The following TMPRSS15 variants were observed in gnomAD, a reference collection of about 807,000 sequenced individuals.
TMPRSS15 encodes transmembrane serine protease 15.
A neutral mutation model predicts 125.3 loss-of-function variants in TMPRSS15; 128 were observed. That is an observed-to-expected ratio of 1.02 (90% CI 0.89 to 1.18). The LOEUF is 1.18. Among genes scored for constraint, TMPRSS15 ranks in the 50% most tolerant of loss-of-function variants. The pLI is 0.00. For missense variants in TMPRSS15, 1,283 were observed against 1,212.7 expected, an observed-to-expected ratio of 1.06 and a Z score of -0.86; for synonymous variants, 446 against 423.2, an observed-to-expected ratio of 1.05 and a Z score of -0.66.
At chr21:18,309,818 TAC>T (rs1390108077) in intron 18 of TMPRSS15, among the ~76,000 whole-genome samples, 1 of 152,196 alleles carries the variant, frequency 6.6e-6, no homozygotes, top group Non-Finnish European at 1.5e-5. Flanking sequence ...GGAACGCTTT[TAC>T]ACTGTTGGTG....
At chr21:18,461,609 ACTAC>A (rs1423640258) in intron 1 of TMPRSS15, among the ~76,000 whole-genome samples, 2 of 152,200 alleles carry the variant, frequency 1.3e-5, no homozygotes, top group Non-Finnish European at 2.9e-5. Flanking sequence ...TCTAAGAAAT[ACTAC>A]ACATTTTATG....
intron 5 of TMPRSS15, among the ~76,000 whole-genome samples, chr21:18,373,973 G>T (rs1267891915): frequency 6.6e-6 from 1 of 152,082 alleles, no homozygotes; most frequent in Non-Finnish European, 1.5e-5. Context: ...AGTTAAGTGG[G>T]GGGAAATTGT....
intron 17 of TMPRSS15, among the ~76,000 whole-genome samples, 166 bp from the exon 18 acceptor site, chr21:18,313,243 T>C (rs6517809): frequency 0.023 from 3,453 of 152,186 alleles, 128 homozygotes; most frequent in African/African-American, 0.078. Flanking sequence ...ATTGTATATT[T>C]CAAAATTTTG....
intron 21 of TMPRSS15, among the ~76,000 whole-genome samples, chr21:18,282,007 A>G (rs2074705248): frequency 6.8e-6 from 1 of 146,392 alleles, no homozygotes; most frequent in African/African-American, 2.5e-5. Context: ...CAGAGGCAGG[A>G]GAATGGCGTG....
At chr21:18,404,946 C>T (rs915714130), upstream of TMPRSS15, among the ~76,000 whole-genome samples, 4 of 151,842 alleles carry the variant, frequency 2.6e-5, no homozygotes, top group Non-Finnish European at 5.9e-5. Flanking sequence ...ATCAGAGACA[C>T]CACTTATGGA....
intron 10 of TMPRSS15, among the ~76,000 whole-genome samples, chr21:18,346,404 C>A (rs187216897): frequency 6.6e-6 from 1 of 152,102 alleles, no homozygotes; most frequent in African/African-American, 2.4e-5. Context: ...TAAGCTTATA[C>A]GCACCTATTA....
rs185451069 is a variant in TMPRSS15 at position 18,467,853 on chromosome 21, A to T, written c.10+17946T>A. ...TCTAAGAAGTTAGTGGAGTGAAAAT[A>T]AACGGGAGATTATGGTTGCATGACC... On this transcript the variant is annotated intron_variant, in intron 1 of 7. Coordinates refer to the TMPRSS15 transcript ENST00000422787. Among the ~76,000 whole-genome samples, 7 of 152,198 alleles carry T rather than the reference A, an allele frequency of 4.6e-5. No homozygotes were observed. The East Asian group carries it at 1.4e-3, about 29-fold the overall frequency.
chr21:18,428,825 G>A (rs1480234010), intron 1 of TMPRSS15, among the ~76,000 whole-genome samples: 1 of 152,192 alleles, frequency 6.6e-6, no homozygotes, highest in Admixed American at 6.5e-5. Flanking sequence ...TGGGGTTGGA[G>A]CACACAGAGG....
chr21:18,388,190 C>T (rs1220732811), intron 3 of TMPRSS15, among the ~76,000 whole-genome samples: 1 of 152,090 alleles, frequency 6.6e-6, no homozygotes, highest in Non-Finnish European at 1.5e-5. Flanking sequence ...TCAGCTACCA[C>T]CAGAGGGAAG....
intron 8 of TMPRSS15, among the ~76,000 whole-genome samples, chr21:18,354,420 A>G (rs1432121718): frequency 4.0e-5 from 6 of 149,232 alleles, no homozygotes; most frequent in African/African-American, 1.2e-4. Flanking sequence ...TGCTTAGAGG[A>G]TTTTTTTTTT....
intron 1 of TMPRSS15, among the ~76,000 whole-genome samples, chr21:18,443,361 G>C (rs1466412154): frequency 6.6e-6 from 1 of 152,068 alleles, no homozygotes; most frequent in East Asian, 1.9e-4. Flanking sequence ...AGCCTGTCTG[G>C]GTTCAGCATG....
chr21:18,432,340 A>T (rs1383963227), intron 1 of TMPRSS15, among the ~76,000 whole-genome samples: 1 of 152,144 alleles, frequency 6.6e-6, no homozygotes, highest in Non-Finnish European at 1.5e-5. Flanking sequence ...AACATTATGA[A>T]AATAATAGAA....
At chr21:18,449,664 T>A (rs992713156) in intron 1 of TMPRSS15, among the ~76,000 whole-genome samples, 1 of 152,102 alleles carries the variant, frequency 6.6e-6, no homozygotes, top group Non-Finnish European at 1.5e-5. Flanking sequence ...CAATTAGCAG[T>A]CAGTACCTAC....
chr21:18,421,954 T>C (rs1047050157), intron 1 of TMPRSS15, among the ~76,000 whole-genome samples: 3 of 151,788 alleles, frequency 2.0e-5, no homozygotes, highest in Admixed American at 1.3e-4. Flanking sequence ...GTTTCTGTCT[T>C]CAGGCAGAGG....
intron 1 of TMPRSS15, among the ~76,000 whole-genome samples, chr21:18,473,249 A>G (rs1037182158): frequency 6.6e-6 from 1 of 152,112 alleles, no homozygotes; most frequent in Admixed American, 6.6e-5. Context: ...TCATTGGCCA[A>G]AGGGAAAAAT....
rs376507413 is a variant in TMPRSS15, at chr21:18,343,485, A to G, written c.1428+21T>C. The stretch of plus-strand genomic sequence containing the variant: ...CACCACAAAAAGGATACAAATATAA[A>G]TAATAAAGTATTTTGCAAACCTTAA... On this transcript the variant is annotated intron_variant, in intron 12 of 24. Coordinates refer to ENST00000284885, the MANE Select transcript of TMPRSS15 (RefSeq NM_002772.3). The G allele has an allele frequency of 5.0e-4, 787 of 1,565,932 alleles. 2 individuals carry two copies. Among genetic ancestry groups the G allele is most frequent in the Non-Finnish European group, 6.5e-4 (742 of 1,138,640 alleles).
At chr21:18,338,828 C>A (rs1211744635) in intron 13 of TMPRSS15, among the ~76,000 whole-genome samples, 1 of 152,088 alleles carries the variant, frequency 6.6e-6, no homozygotes. Flanking sequence ...ACTGGTAAAG[C>A]AAAGGTAAAT....
intron 8 of TMPRSS15, among the ~76,000 whole-genome samples, chr21:18,358,636 T>G (rs1336557129): frequency 1.3e-5 from 2 of 151,958 alleles, no homozygotes; most frequent in Non-Finnish European, 2.9e-5. Flanking sequence ...GGTATTATGT[T>G]TCAAGTCAGA....
chr21:18,385,230 G>A (rs2075932295), intron 3 of TMPRSS15, among the ~76,000 whole-genome samples: 1 of 151,990 alleles, frequency 6.6e-6, no homozygotes, highest in South Asian at 2.1e-4. Flanking sequence ...TTTAGTTCAG[G>A]GTTTCCCAAA....
Sources: allele counts gnomAD v4.1 joint callset (sites outside exome capture counted in the v4.1 genomes callset), GRCh38; gene constraint gnomAD v4.1.1; transcripts MANE v1.5; gene names NCBI Gene and HGNC (gene_info 2026-07-23, HGNC 2026-07-21).